The following NCOA2 variants were observed in gnomAD, a reference collection of about 807,000 sequenced individuals.
The protein encoded by NCOA2 is class E basic helix-loop-helix protein 75.
In NCOA2, 21 loss-of-function variants were observed where a neutral mutation model predicts 145.1. The observed-to-expected ratio is 0.14, with a 90% CI of 0.10 to 0.21. The LOEUF is 0.21. Ranked by LOEUF, NCOA2 falls within the 10% of genes least tolerant of loss-of-function variation. The probability of loss-of-function intolerance (pLI) is 1.00; values close to 1 mark genes in which losing one functional copy is unlikely to be tolerated. For synonymous variants in NCOA2, 619 were observed against 637.5 expected, an observed-to-expected ratio of 0.97 and a Z score of 0.44; for missense variants, 1,472 against 1,837.6, an observed-to-expected ratio of 0.80 and a Z score of 3.64.
intron 2 of NCOA2, among the ~76,000 whole-genome samples, chr8:70,296,130 GA>G (rs776875615): frequency 2.6e-5 from 4 of 152,174 alleles, no homozygotes; most frequent in Non-Finnish European, 5.9e-5. Context: ...GAACAAGATA[GA>G]AATGGTCCCG....
At chr8:70,412,550 A>G in the NCOA2 span, among the ~76,000 whole-genome samples, 1 of 148,874 alleles carries the variant, frequency 6.7e-6, no homozygotes, top group South Asian at 2.1e-4. Flanking sequence ...CAGGAAGCTG[A>G]GACAGGAGAA....
chr8:70,118,263 T>C (rs985442637), intron 22 of NCOA2, among the ~76,000 whole-genome samples: 25 of 152,200 alleles, frequency 1.6e-4, no homozygotes, highest in African/African-American at 5.8e-4. Flanking sequence ...CCTGGCACTT[T>C]TGGGTTAAAA....
At chr8:70,401,473 TTCAA>T (rs1270284794) in intron 1 of NCOA2, among the ~76,000 whole-genome samples, 34 of 152,320 alleles carry the variant, frequency 2.2e-4, no homozygotes, top group African/African-American at 7.0e-4. Flanking sequence ...CACTTAATGT[TTCAA>T]TCAGTGATGC....
At chr8:70,128,101 G>A (rs80087708) in intron 18 of NCOA2, among the ~76,000 whole-genome samples, 1 of 152,302 alleles carries the variant, frequency 6.6e-6, no homozygotes, top group African/African-American at 2.4e-5. Context: ...TGTGTTGACT[G>A]GATGATGACA....
At chr8:70,447,346 T>TG in the NCOA2 span, among the ~76,000 whole-genome samples, 1 of 152,180 alleles carries the variant, frequency 6.6e-6, no homozygotes, top group Non-Finnish European at 1.5e-5. Context: ...TTGGCTGCTT[T>TG]GGGGCAAGCC....
chr8:70,257,327 C>G (rs1474931262), intron 2 of NCOA2, among the ~76,000 whole-genome samples: 1 of 152,188 alleles, frequency 6.6e-6, no homozygotes, highest in Admixed American at 6.5e-5. Flanking sequence ...ACTATAATTG[C>G]CATACATTTA....
chr8:70,283,152 C>T (rs535027977), intron 2 of NCOA2, among the ~76,000 whole-genome samples: 1 of 152,272 alleles, frequency 6.6e-6, no homozygotes, highest in South Asian at 2.1e-4. Context: ...CTGGTATCTT[C>T]CTTGGTTTAT....
chr8:70,231,030 AAT>A (rs1363436099), intron 2 of NCOA2, among the ~76,000 whole-genome samples: 114 of 152,316 alleles, frequency 7.5e-4, no homozygotes, highest in African/African-American at 2.7e-3. Context: ...TAATATCTTA[AAT>A]ATGTCTTGAT....
At chr8:70,447,682 C>CTT in the NCOA2 span, among the ~76,000 whole-genome samples, 122 of 113,064 alleles carry the variant, frequency 1.1e-3, 2 homozygotes, top group African/African-American at 1.7e-3. Flanking sequence ...TCTTTGTTTT[C>CTT]TTTTTTTTTT....
At chr8:70,367,073 C>T (rs1287293155) in intron 1 of NCOA2, among the ~76,000 whole-genome samples, 1 of 152,174 alleles carries the variant, frequency 6.6e-6, no homozygotes, top group Admixed American at 6.5e-5. Flanking sequence ...AATAGCAACC[C>T]GATCATGTCT....
At chr8:70,229,097 C>T (rs1425550084) in intron 2 of NCOA2, among the ~76,000 whole-genome samples, 1 of 152,198 alleles carries the variant, frequency 6.6e-6, no homozygotes, top group African/African-American at 2.4e-5. Context: ...CTAATTAAAA[C>T]AGGTCTCTTT....
intron 1 of NCOA2, among the ~76,000 whole-genome samples, chr8:70,388,059 T>C (rs1412053567): frequency 6.6e-6 from 1 of 152,242 alleles, no homozygotes; most frequent in Admixed American, 6.5e-5. Flanking sequence ...ATACCTTTTA[T>C]GATTCTGAGC....
intron 4 of NCOA2, among the ~76,000 whole-genome samples, chr8:70,198,259 AACTAC>A (rs1817548466): frequency 6.6e-6 from 1 of 152,230 alleles, no homozygotes; most frequent in African/African-American, 2.4e-5. Context: ...TTTCAGTTTA[AACTAC>A]ACTACAAGCC....
intron 4 of NCOA2, among the ~76,000 whole-genome samples, chr8:70,175,293 A>T (rs1404579521): frequency 2.6e-5 from 4 of 152,248 alleles, no homozygotes; most frequent in Non-Finnish European, 5.9e-5. Context: ...AAGGACTCCT[A>T]AACTGCTATG....
intron 2 of NCOA2, among the ~76,000 whole-genome samples, chr8:70,281,355 C>CAAAA (rs372574771): frequency 3.3e-5 from 2 of 60,986 alleles, no homozygotes; most frequent in African/African-American, 5.6e-5. Context: ...GACCCTGTCT[C>CAAAA]AAAAAAAAAA....
At chr8:70,114,490 T>G (rs1262771242) in intron 22 of NCOA2, among the ~76,000 whole-genome samples, 1 of 152,214 alleles carries the variant, frequency 6.6e-6, no homozygotes, top group Non-Finnish European at 1.5e-5. Flanking sequence ...TTCCAAAAGT[T>G]TTCATTCACT....
intron 1 of NCOA2, among the ~76,000 whole-genome samples, chr8:70,353,060 GGTT>G (rs150933117): frequency 0.076 from 11,521 of 151,972 alleles, 527 homozygotes; most frequent in East Asian, 0.13. Context: ...GAAAATATTA[GGTT>G]GTTAGAGCCA....
chr8:70,240,031 T>C (rs925426183), intron 2 of NCOA2, among the ~76,000 whole-genome samples: 8 of 152,152 alleles, frequency 5.3e-5, no homozygotes, highest in Non-Finnish European at 1.0e-4. Flanking sequence ...ATATCTAGAC[T>C]ATCACACAGA....
At chr8:70,397,382 G>A (rs374154179) in intron 1 of NCOA2, among the ~76,000 whole-genome samples, 9 of 151,532 alleles carry the variant, frequency 5.9e-5, no homozygotes, top group African/African-American at 1.7e-4. Flanking sequence ...GAACCCGGGA[G>A]GCAGAGGTTG....
Sources: gnomAD v4.1 joint callset for allele counts (sites outside exome capture counted in the v4.1 genomes callset) on GRCh38, gnomAD v4.1.1 for gene constraint, MANE v1.5 for transcripts, NCBI Gene and HGNC (gene_info 2026-07-23, HGNC 2026-07-21) for gene names.